MYOF: variants seen among roughly 807,000 people sequenced by gnomAD.
MYOF encodes fer-1-like 3, myoferlin.
Under a neutral mutation model 284.2 loss-of-function variants are expected in MYOF, and 244 were observed. The ratio of observed to expected loss-of-function variants is 0.86; its 90% CI spans 0.77 to 0.95. MYOF has a LOEUF of 0.95. MYOF is among the 40% of genes least tolerant of loss of function. MYOF has a pLI of 0.00. For missense variants in MYOF, 2,496 were observed against 2,560.6 expected (o/e 0.97, Z 0.54); for synonymous variants, 904 against 919.7 (o/e 0.98, Z 0.31).
In MYOF at chr10:93,329,757, C is replaced by A; in HGVS notation, c.4889G>T (p.Arg1630Leu). 6.2e-7 allele frequency: 1 copy of A among 1,614,106 alleles called. No individual in the cohort carries two copies. The highest frequency in any genetic ancestry group is 1.1e-5 in the South Asian group (1 of 91,076). The change falls in exon 44 of 54, where the codon CGG becomes CTG. Residue 1630 changes from arginine to leucine, a missense_variant. Around this residue, in one of 3 missense-constraint regions of MYOF, gnomAD observed 2,436 missense variants for 2,480.7 expected, o/e 0.98. Transcript: ENST00000359263. ...ISVYDYDTFTRDEKVGETIID... is the reference protein window; with the variant it reads ...ISVYDYDTFTLDEKVGETIID... ...AATTGTTTCTCCTACTTTTTCATCCCGGGTAAAGGTGTCATAATCATAGAC... is the reference window on the plus strand; with the variant it reads ...AATTGTTTCTCCTACTTTTTCATCCAGGGTAAAGGTGTCATAATCATAGAC...
chr10:93,452,037 G>GAA lies in MYOF; in HGVS notation c.236+11_236+12dup. 6.3e-7 allele frequency: 1 copy of GAA among 1,576,592 alleles called. No individual in the cohort carries two copies. Among genetic ancestry groups the GAA allele is most frequent in the South Asian group, 1.1e-5 (1 of 86,998 alleles). On this transcript the variant is annotated intron_variant, in intron 3 of 53. Transcript: ENST00000359263. ...AATACCTAAAATGAGAAAAACAGGTGAAAACAACTTACTTATTTTGTCCAA... is the reference window on the plus strand; with the variant it reads ...AATACCTAAAATGAGAAAAACAGGTGAAAAAACAACTTACTTATTTTGTCCAA...
At chr10:93,387,681 C>T (rs1846450742) in intron 19 of MYOF, 116 bp downstream of exon 19, 1 of 779,270 alleles carries the variant, frequency 1.3e-6, no homozygotes, top group Non-Finnish European at 2.3e-6. Flanking sequence ...GTTGTAGAAA[C>T]ATCCAGATGA....
At chr10:93,322,370 G>A (rs1165819840) in intron 48 of MYOF, among the ~76,000 whole-genome samples, 1 of 152,178 alleles carries the variant, frequency 6.6e-6, no homozygotes, top group Non-Finnish European at 1.5e-5. Context: ...TGGGAAGGAA[G>A]AATAATCATT....
At chr10:93,340,785 C>T (rs1017516145) in intron 38 of MYOF, among the ~76,000 whole-genome samples, 1 of 152,006 alleles carries the variant, frequency 6.6e-6, no homozygotes, top group African/African-American at 2.4e-5. Context: ...AGAACCCACC[C>T]CAATCTGAGG....
Position 93,366,389 on chromosome 10 carries a change from T to G in MYOF, c.2753+3A>C. On this transcript the variant is annotated splice_donor_region_variant and intron_variant, in intron 26 of 53. Coordinates refer to ENST00000359263, the MANE Select transcript of MYOF (RefSeq NM_013451.4). ...CTTTTTACTCAGAAAATGGACAACT[T>G]ACCTTCTTTCAGGATCAACTATCCA... 3.7e-6 allele frequency: 6 copies of G among 1,610,494 alleles called. No homozygotes were observed. Among genetic ancestry groups the G allele is most frequent in the South Asian group, 1.1e-5 (1 of 90,114 alleles).
chr10:93,481,943 C>A (rs1311304945), intron 1 of MYOF, among the ~76,000 whole-genome samples, 164 bp downstream of exon 1: 1 of 152,144 alleles, frequency 6.6e-6, no homozygotes, highest in East Asian at 1.9e-4. Flanking sequence ...AAATTAAATG[C>A]CTTCCCCAGA....
chr10:93,418,626 G>A (rs763244852), intron 5 of MYOF, among the ~76,000 whole-genome samples: 10 of 152,278 alleles, frequency 6.6e-5, no homozygotes, highest in Non-Finnish European at 1.2e-4. Flanking sequence ...ACAACATCAC[G>A]TTCAGCAGGC....
intron 3 of MYOF, among the ~76,000 whole-genome samples, chr10:93,434,127 C>T (rs1848998215): frequency 6.6e-6 from 1 of 152,042 alleles, no homozygotes; most frequent in African/African-American, 2.4e-5. Flanking sequence ...CTTCTAATAT[C>T]ACAAGCAGAA....
chr10:93,396,285 GAT>G (rs781628063), intron 15 of MYOF, 61 bp from the exon 16 acceptor site: 5 of 1,168,876 alleles, frequency 4.3e-6, no homozygotes, highest in African/African-American at 1.6e-5. Flanking sequence ...CATCTAGGAA[GAT>G]ATGTCTTCAT....
At chr10:93,458,906 C>G (rs566361895) in intron 1 of MYOF, among the ~76,000 whole-genome samples, 7 of 152,302 alleles carry the variant, frequency 4.6e-5, no homozygotes, top group African/African-American at 1.7e-4. Context: ...ATTGCTTTGG[C>G]TCCCAGCACA....
chr10:93,339,367 T>TTGTGTGTGTGTGTG (rs35070199), intron 39 of MYOF, among the ~76,000 whole-genome samples: 2,604 of 150,288 alleles, frequency 0.017, 45 homozygotes, highest in East Asian at 0.11. Flanking sequence ...TGCTTCTTAT[T>TTGTGTGTGTGTGTG]TGTGTGTGTG....
At chr10:93,391,417 C>T (rs1246979897) in intron 17 of MYOF, among the ~76,000 whole-genome samples, 3 of 151,600 alleles carry the variant, frequency 2.0e-5, no homozygotes, top group Non-Finnish European at 4.4e-5. Context: ...CATGGCGAAA[C>T]CCCATCTCTA....
At chr10:93,387,715 C>G in intron 19 of MYOF, 82 bp downstream of exon 19, 1 of 1,142,616 alleles carries the variant, frequency 8.8e-7, no homozygotes, top group Non-Finnish European at 1.3e-6. Context: ...AGTTGGGTTG[C>G]CTTCCGACTC....
intron 3 of MYOF, among the ~76,000 whole-genome samples, chr10:93,434,755 A>C (rs1564716159): frequency 6.6e-6 from 1 of 152,178 alleles, no homozygotes; most frequent in Non-Finnish European, 1.5e-5. Context: ...ATTGGATGGG[A>C]ATTTTACAGA....
At chr10:93,354,342 C>T (rs543410342) in intron 31 of MYOF, among the ~76,000 whole-genome samples, 86 of 152,314 alleles carry the variant, frequency 5.6e-4, no homozygotes, top group African/African-American at 2.0e-3. Flanking sequence ...CACACCACTG[C>T]ACTCCAGCCT....
intron 9 of MYOF, among the ~76,000 whole-genome samples, chr10:93,403,692 A>G (rs1362490115): frequency 2.6e-5 from 4 of 152,144 alleles, no homozygotes; most frequent in Non-Finnish European, 5.9e-5. Context: ...TTGCAGATGG[A>G]GCTTTGGGGC....
intron 19 of MYOF, among the ~76,000 whole-genome samples, chr10:93,385,602 G>A (rs143397651): frequency 6.2e-4 from 94 of 152,290 alleles, no homozygotes; most frequent in African/African-American, 2.1e-3. Flanking sequence ...TGGGGCTCCT[G>A]TTGCTTGAAG....
chr10:93,333,747 CA>C lies in MYOF; in HGVS notation c.4719+10del, dbSNP rs1564626198. The stretch of plus-strand genomic sequence containing the variant: ...TTGCTACAGGAGAAGGCCCCACACC[CA>C]AACTCTTACCAGGCCATTGTTGTCC... On this transcript the variant is annotated intron_variant, in intron 42 of 53. Coordinates refer to ENST00000359263, the MANE Select transcript of MYOF (RefSeq NM_013451.4). 1 of 1,613,410 alleles carries C rather than the reference CA, an allele frequency of 6.2e-7. No individual in the cohort carries two copies. Among genetic ancestry groups the C allele is most frequent in the East Asian group, 2.2e-5 (1 of 44,856 alleles).
intron 24 of MYOF, 63 bp from the exon 25 acceptor site, chr10:93,369,839 T>C: frequency 6.3e-7 from 1 of 1,590,154 alleles, no homozygotes; most frequent in South Asian, 1.1e-5. Context: ...GACATTAAGT[T>C]AAAGCCAAAA....
Sources: gnomAD v4.1 joint callset for allele counts (sites outside exome capture counted in the v4.1 genomes callset) on GRCh38, gnomAD v4.1.1 for gene constraint, gnomAD v4.1.1 regional missense constraint, MANE v1.5 for transcripts, NCBI Gene and HGNC (gene_info 2026-07-23, HGNC 2026-07-21) for gene names.